WDR49: variants seen among roughly 807,000 people sequenced by gnomAD.
WDR49 encodes the protein cilia- and flagella-associated protein 337.
WDR49 carries 107 observed loss-of-function variants against 119.5 expected under a neutral mutation model. That is an observed-to-expected ratio of 0.90 (90% CI 0.77 to 1.05). The LOEUF is 1.05. Among genes scored for constraint, WDR49 ranks in the 50% least tolerant of loss-of-function variants. The pLI, the probability that WDR49 is intolerant of heterozygous loss-of-function variation, is 0.00. For missense variants in WDR49, 1,240 were observed against 1,220.5 expected (o/e 1.02, Z -0.24); for synonymous variants, 425 against 418.8 (o/e 1.01, Z -0.18).
intron 5 of WDR49, among the ~76,000 whole-genome samples, chr3:167,615,444 A>T (rs77812403): frequency 1.4e-5 from 1 of 73,132 alleles, no homozygotes; most frequent in African/African-American, 6.5e-5. Context: ...CTCTCCATTT[A>T]AAAAAAAAAA....
chr3:167,561,164 T>C (rs1031138941), intron 8 of WDR49, among the ~76,000 whole-genome samples: 2 of 152,240 alleles, frequency 1.3e-5, no homozygotes, highest in African/African-American at 2.4e-5. Flanking sequence ...CTGCTTTTCA[T>C]AATCAAATGG....
rs190765167 is a variant in WDR49, at chr3:167,563,550, T to A, written c.1510-3322A>T. On this transcript the variant is annotated intron_variant, in intron 8 of 18. Transcript: ENST00000682715. ...AGTCTTTTAAGAAAAGGTTAAAGAT[T>A]GTGCAGGATTTTATTATTTCTATTA... 3.9e-5 allele frequency among the ~76,000 whole-genome samples: 6 copies of A among 152,252 alleles called. No individual in the cohort carries two copies. The East Asian group carries it at 9.6e-4, about 24-fold the overall frequency.
chr3:167,550,237 A>G (rs532933895), intron 10 of WDR49, among the ~76,000 whole-genome samples: 2 of 152,238 alleles, frequency 1.3e-5, no homozygotes, highest in Non-Finnish European at 1.5e-5. Flanking sequence ...GAAGAAAGTC[A>G]TTGGTAGCTT....
intron 10 of WDR49, among the ~76,000 whole-genome samples, chr3:167,540,058 GCACCACCTC>G (rs1711689985): frequency 6.6e-6 from 1 of 152,094 alleles, no homozygotes; most frequent in Non-Finnish European, 1.5e-5. Context: ...TTTCTCAAAA[GCACCACCTC>G]CTGGCTGGAG....
At chr3:167,497,311 A>G (rs1751391250) in intron 18 of WDR49, among the ~76,000 whole-genome samples, 2 of 152,214 alleles carry the variant, frequency 1.3e-5, no homozygotes, top group African/African-American at 4.8e-5. Context: ...AAGAGGAAAT[A>G]TTTTCAAAAC....
In WDR49 at chr3:167,557,478, A is replaced by G. The variant is rs6776237; in HGVS notation, c.1674+2586T>C. Among the ~76,000 whole-genome samples, 81 of 152,340 alleles carry G rather than the reference A, an allele frequency of 5.3e-4. 1 individual carries two copies. The highest frequency in any genetic ancestry group is 1.8e-3 in the African/African-American group (76 of 41,590). On this transcript the variant is annotated intron_variant, in intron 9 of 18. Coordinates refer to ENST00000682715, the MANE Select transcript of WDR49 (RefSeq NM_001366157.1). ...CTATCTATGCAGTAGCATATAATGTAGCCATAAAGAAGAATGAGTCATCTC... is the reference window on the plus strand; with the variant it reads ...CTATCTATGCAGTAGCATATAATGTGGCCATAAAGAAGAATGAGTCATCTC...
At chr3:167,642,752 C>T (rs1717942156) in intron 2 of WDR49, among the ~76,000 whole-genome samples, 1 of 151,892 alleles carries the variant, frequency 6.6e-6, no homozygotes, top group Non-Finnish European at 1.5e-5. Flanking sequence ...GTCTTGGGCA[C>T]ATCATCTTGT....
chr3:167,521,323 G>T (rs984702649), intron 16 of WDR49, among the ~76,000 whole-genome samples: 1 of 152,080 alleles, frequency 6.6e-6, no homozygotes, highest in African/African-American at 2.4e-5. Flanking sequence ...CCTCAGTGGG[G>T]TCATCAAAGA....
chr3:167,508,452 T>C (rs1455869414), intron 16 of WDR49, among the ~76,000 whole-genome samples: 1 of 152,120 alleles, frequency 6.6e-6, no homozygotes, highest in African/African-American at 2.4e-5. Context: ...TCTTCTAGGA[T>C]TACAGTGAGA....
chr3:167,629,934 C>A (rs1489838062), intron 2 of WDR49, among the ~76,000 whole-genome samples: 3 of 152,070 alleles, frequency 2.0e-5, no homozygotes, highest in African/African-American at 7.2e-5. Context: ...AAAGTTGTTT[C>A]TTGAGATGGA....
chr3:167,602,494 T>A (rs986365423), intron 6 of WDR49, among the ~76,000 whole-genome samples: 5 of 151,806 alleles, frequency 3.3e-5, no homozygotes, highest in African/African-American at 1.2e-4. Context: ...GAAGAAAAAA[T>A]TTGTCAAGGG....
chr3:167,559,079 G>T (rs958705412), intron 9 of WDR49, among the ~76,000 whole-genome samples: 2 of 152,068 alleles, frequency 1.3e-5, no homozygotes, highest in Non-Finnish European at 2.9e-5. Context: ...AACTTCTACT[G>T]ATTTCCAGAG....
intron 8 of WDR49, among the ~76,000 whole-genome samples, chr3:167,561,373 T>A (rs1043966359): frequency 6.6e-6 from 1 of 152,128 alleles, no homozygotes; most frequent in African/African-American, 2.4e-5. Context: ...AAAGCATCAC[T>A]GCATACCAGA....
At chr3:167,567,564 G>T (rs1264997518) in intron 8 of WDR49, among the ~76,000 whole-genome samples, 1 of 152,140 alleles carries the variant, frequency 6.6e-6, no homozygotes, top group African/African-American at 2.4e-5. Flanking sequence ...CATCTTCAAT[G>T]GTGTGAGCCT....
intron 7 of WDR49, among the ~76,000 whole-genome samples, chr3:167,589,564 C>G (rs144240081): frequency 3.0e-4 from 45 of 152,118 alleles, no homozygotes; most frequent in African/African-American, 1.0e-3. Flanking sequence ...TCTTCCAGAC[C>G]ATGAACATGG....
chr3:167,531,071 TG>T (rs1332388833), intron 13 of WDR49, 43 bp downstream of exon 13: 1 of 1,575,424 alleles, frequency 6.3e-7, no homozygotes, highest in African/African-American at 1.4e-5. Flanking sequence ...TTTTCTTTAT[TG>T]CTCCCTTTCC....
In WDR49 at chr3:167,500,045, C is replaced by A. The variant is rs1023980132; in HGVS notation, c.3031+108G>T. The A allele has an allele frequency of 1.3e-4, 166 of 1,281,196 alleles. 1 individual carries two copies. Among genetic ancestry groups the A allele is most frequent in the Non-Finnish European group, 1.3e-4 (129 of 968,452 alleles). The allele number at this position is 1,281,196 out of a possible 1,614,324, so 79.4% of individuals were successfully genotyped here. On this transcript the variant is annotated intron_variant, in intron 18 of 18. Coordinates refer to ENST00000682715, the MANE Select transcript of WDR49 (RefSeq NM_001366157.1). ...AGTCAAACCACACTTTGTTTCACTG[C>A]AAACTACAAGACAAACACTTGTTAT...
At chr3:167,642,872 T>C (rs944430952) in intron 2 of WDR49, among the ~76,000 whole-genome samples, 1 of 151,736 alleles carries the variant, frequency 6.6e-6, no homozygotes, top group African/African-American at 2.4e-5. Context: ...TTGAGTATCA[T>C]AAAATAATGA....
intron 10 of WDR49, among the ~76,000 whole-genome samples, chr3:167,549,908 A>G (rs1187931538): frequency 2.6e-5 from 4 of 152,170 alleles, no homozygotes; most frequent in African/African-American, 9.6e-5. Flanking sequence ...AGCTTTCTAC[A>G]TATGGCTAGC....
Sources: allele counts gnomAD v4.1 joint callset (sites outside exome capture counted in the v4.1 genomes callset), GRCh38; gene constraint gnomAD v4.1.1; transcripts MANE v1.5; gene names NCBI Gene and HGNC (gene_info 2026-07-23, HGNC 2026-07-21).